ZFR2: variants seen among roughly 807,000 people sequenced by gnomAD.
ZFR2 encodes the protein zinc finger RNA binding protein 2, also known as zinc finger RNA-binding protein 2.
A neutral mutation model predicts 105.7 loss-of-function variants in ZFR2; 104 were observed. The ratio of observed to expected loss-of-function variants is 0.98; its 90% confidence interval spans 0.84 to 1.16. ZFR2 has a LOEUF of 1.16. ZFR2 is among the 50% of genes most tolerant of loss of function. ZFR2 has a pLI of 0.00. For synonymous variants in ZFR2, 634 were observed against 597.7 expected, an observed-to-expected ratio of 1.06 and a Z score of -0.89; for missense variants, 1,425 against 1,355.5, an observed-to-expected ratio of 1.05 and a Z score of -0.80.
rs960931310 is a variant in ZFR2 at position 3,838,166 on chromosome 19, G to A, written c.54-3183C>T. On this transcript the variant is annotated intron_variant, in intron 1 of 18. Transcript: ENST00000262961. This position sits in a 1 kb window ranked among gnomAD's most constrained non-coding sequence, Gnocchi z 4.9. ...AATGAACACCGTGACTGTGACACTC[G>A]ATGAACACCATGACCGTGACACCCG... Among the ~76,000 whole-genome samples the A allele has an allele frequency of 2.7e-5, 4 of 148,942 alleles. No homozygotes were observed. Among genetic ancestry groups the A allele is most frequent in the Admixed American group, 7.3e-5 (1 of 13,688 alleles).
At position 3,834,921 on chromosome 19, in the gene ZFR2, G is replaced by A. The variant is rs374139131; in HGVS notation, c.116C>T (p.Pro39Leu). 3.1e-5 allele frequency: 50 copies of A among 1,611,766 alleles called. No individual in the cohort carries two copies. The African/African-American group carries it at 6.4e-4, about 21-fold the overall frequency. ...VGASYTAQPT[P>L]GMDPAVNPAF... is the part of the protein sequence containing the mutation. ...CGGGTTCACGGCAGGGTCCATCCCAGGAGTGGGTTGTGCAGTATAGCTGGC... is the reference window on the plus strand; with the variant it reads ...CGGGTTCACGGCAGGGTCCATCCCAAGAGTGGGTTGTGCAGTATAGCTGGC... Residue 39 changes from proline (P) to leucine (L), a missense_variant, in exon 2 of 19, where the codon CCT (proline) becomes CTT (leucine). Coordinates refer to ENST00000262961, the MANE Select transcript of ZFR2 (RefSeq NM_015174.2). The surrounding 1 kb of genome is among the most constrained non-coding windows in gnomAD (Gnocchi z 5.3).
intron 1 of ZFR2, among the ~76,000 whole-genome samples, chr19:3,843,100 A>G (rs2038150727): frequency 6.6e-6 from 1 of 152,236 alleles, no homozygotes; most frequent in African/African-American, 2.4e-5. Context: ...CAGAGGCTCA[A>G]GAAGGTATTT....
In ZFR2 at chr19:3,821,323, G is replaced by A. The variant is rs745695046; in HGVS notation, c.1631+17C>T. On this transcript the variant is annotated intron_variant, in intron 10 of 18. Transcript: ENST00000262961. Reference sequence around the variant, plus strand: ...CTCCCTCACCAGGCCCCCTTGCCAAGACCCGCAGCCGGGCACCTCCTCTCC... The same window carrying A: ...CTCCCTCACCAGGCCCCCTTGCCAAAACCCGCAGCCGGGCACCTCCTCTCC... The A allele has an allele frequency of 2.6e-6, 4 of 1,567,130 alleles. No homozygotes were observed. The highest frequency in any genetic ancestry group is 2.3e-5 in the South Asian group (2 of 85,706).
At chr19:3,853,554 C>T (rs2038264912) in intron 1 of ZFR2, among the ~76,000 whole-genome samples, 1 of 152,084 alleles carries the variant, frequency 6.6e-6, no homozygotes, top group Admixed American at 6.5e-5. Flanking sequence ...GAGGACATCA[C>T]ACCCCGTGAG....
rs1479690406 is a variant in ZFR2 at position 3,820,185 on chromosome 19, G to A, written c.1737C>T (p.Leu579=). ...GRPESPASAP[L]QPGRRPASSD... The stretch of plus-strand genomic sequence containing the variant: ...ACACAGAGGAAACTGTACCTACCTG[G>A]AGTGGGGCGCTGGCGGGTGACTCCG... Residue 579 remains leucine (L), a synonymous_variant, in exon 11 of 19, where the codon CTC becomes CTT. Coordinates refer to ENST00000262961, the MANE Select transcript of ZFR2 (RefSeq NM_015174.2). 6.4e-7 allele frequency: 1 copy of A among 1,552,330 alleles called. No individual in the cohort carries two copies. Among genetic ancestry groups the A allele is most frequent in the Non-Finnish European group, 8.7e-7 (1 of 1,147,642 alleles).
chr19:3,837,823 C>T (rs1371978054), intron 1 of ZFR2, among the ~76,000 whole-genome samples: 5 of 151,888 alleles, frequency 3.3e-5, no homozygotes, highest in East Asian at 1.9e-4. Context: ...TATGGACACT[C>T]GATGAACACC....
chr19:3,843,751 C>A (rs1037573558), intron 1 of ZFR2, among the ~76,000 whole-genome samples: 1 of 150,876 alleles, frequency 6.6e-6, no homozygotes, highest in Non-Finnish European at 1.5e-5. Flanking sequence ...AGGAGAATGG[C>A]GTGAACCTGG....
At chr19:3,841,004 G>A (rs1242166945) in intron 1 of ZFR2, among the ~76,000 whole-genome samples, 1 of 152,226 alleles carries the variant, frequency 6.6e-6, no homozygotes, top group Non-Finnish European at 1.5e-5. Context: ...ACATGTGCAT[G>A]AGTGAAGAAG....
intron 1 of ZFR2, among the ~76,000 whole-genome samples, chr19:3,848,342 G>A (rs1165925574): frequency 6.6e-6 from 1 of 151,684 alleles, no homozygotes; most frequent in African/African-American, 2.4e-5. Flanking sequence ...AATGGGGGAG[G>A]TGGAGGTTGC....
At chr19:3,860,498 C>T (rs539101063) in intron 1 of ZFR2, among the ~76,000 whole-genome samples, 85 of 152,286 alleles carry the variant, frequency 5.6e-4, no homozygotes, top group African/African-American at 2.0e-3. Flanking sequence ...GCCTGGGCGT[C>T]GAGTTTCCCG....
Position 3,820,167 on chromosome 19 carries a change from G to C in ZFR2, c.1740+15C>G. On this transcript the variant is annotated intron_variant, in intron 11 of 18. Coordinates refer to ENST00000262961, the MANE Select transcript of ZFR2 (RefSeq NM_015174.2). Reference sequence around the variant, plus strand: ...GAGGTCGCCCGCGTTTGCACACAGAGGAAACTGTACCTACCTGGAGTGGGG... The same window carrying C: ...GAGGTCGCCCGCGTTTGCACACAGACGAAACTGTACCTACCTGGAGTGGGG... 11 of 1,551,026 alleles carry C rather than the reference G, an allele frequency of 7.1e-6. No homozygotes were observed. The highest frequency in any genetic ancestry group is 9.6e-6 in the Non-Finnish European group (11 of 1,146,846).
At chr19:3,818,710 A>G (rs1213093289) in intron 12 of ZFR2, among the ~76,000 whole-genome samples, 1 of 152,220 alleles carries the variant, frequency 6.6e-6, no homozygotes, top group Non-Finnish European at 1.5e-5. Flanking sequence ...CGTCAGAATC[A>G]CGCTCAGCTT....
intron 1 of ZFR2, among the ~76,000 whole-genome samples, chr19:3,835,913 A>G (rs920756232): frequency 6.8e-6 from 1 of 148,106 alleles, no homozygotes; most frequent in African/African-American, 2.7e-5. Context: ...TGATCTCACC[A>G]CTGAACTCCA....
chr19:3,806,482 G>A (rs1443677691), intron 18 of ZFR2, among the ~76,000 whole-genome samples: 1 of 152,136 alleles, frequency 6.6e-6, no homozygotes, highest in East Asian at 1.9e-4. Context: ...GGCTGGTCTC[G>A]AACTCCTGAC....
At chr19:3,866,758 G>A (rs2038434710) in intron 1 of ZFR2, among the ~76,000 whole-genome samples, 3 of 152,116 alleles carry the variant, frequency 2.0e-5, no homozygotes, top group South Asian at 2.1e-4. Flanking sequence ...AGCCTGGATC[G>A]CTAGCCAAGT....
At chr19:3,807,871 C>CTG (rs756969100) in intron 17 of ZFR2, among the ~76,000 whole-genome samples, 2 of 133,598 alleles carry the variant, frequency 1.5e-5, no homozygotes, top group African/African-American at 5.7e-5. Flanking sequence ...ATGCATGTGC[C>CTG]TGTGTGTGTG....
intron 1 of ZFR2, among the ~76,000 whole-genome samples, chr19:3,852,911 A>C (rs1183484326): frequency 6.6e-6 from 1 of 151,412 alleles, no homozygotes; most frequent in African/African-American, 2.4e-5. Flanking sequence ...GGTGGAGGCC[A>C]GGGACGCTGT....
chr19:3,837,466 G>A (rs956778670), intron 1 of ZFR2, among the ~76,000 whole-genome samples: 1 of 150,500 alleles, frequency 6.6e-6, no homozygotes, highest in African/African-American at 2.5e-5. Flanking sequence ...CCATGACTAT[G>A]GGACACTCAA....
At chr19:3,832,781 G>A (rs965502943) in intron 3 of ZFR2, among the ~76,000 whole-genome samples, 1 of 151,890 alleles carries the variant, frequency 6.6e-6, no homozygotes, top group African/African-American at 2.4e-5. Context: ...GACTACAGGT[G>A]CACACCACCA....
Sources: gnomAD v4.1 joint callset for allele counts (sites outside exome capture counted in the v4.1 genomes callset) on GRCh38, gnomAD v4.1.1 for gene constraint, Gnocchi (gnomAD v3.1) non-coding constraint, MANE v1.5 for transcripts, NCBI Gene and HGNC (gene_info 2026-07-23, HGNC 2026-07-21) for gene names.